The following LRMDA variants were observed in gnomAD, a reference collection of about 807,000 sequenced individuals.
LRMDA encodes leucine-rich melanocyte differentiation-associated protein.
Under a neutral mutation model 29.8 loss-of-function variants are expected in LRMDA, and 18 were observed. The ratio of observed to expected loss-of-function variants is 0.60; its 90% CI spans 0.42 to 0.90. The LOEUF (loss-of-function observed/expected upper bound fraction) is 0.90. LRMDA is among the 40% of genes least tolerant of loss of function. The pLI, the probability that LRMDA is intolerant of heterozygous loss-of-function variation, is 0.00. For synonymous variants in LRMDA, 125 were observed against 109.4 expected (o/e 1.14, Z -0.89); for missense variants, 273 against 273.9 (o/e 1.00, Z 0.02).
chr10:75,893,457 A>G (rs554727883), intron 2 of LRMDA, among the ~76,000 whole-genome samples: 5 of 152,342 alleles, frequency 3.3e-5, no homozygotes, highest in South Asian at 4.1e-4. Flanking sequence ...GAAGCAGAGT[A>G]TATTTGCATG....
At chr10:75,703,993 C>T (rs1161817408) in intron 2 of LRMDA, among the ~76,000 whole-genome samples, 1 of 152,148 alleles carries the variant, frequency 6.6e-6, no homozygotes, top group Non-Finnish European at 1.5e-5. Context: ...ATAAAATGTG[C>T]CGACGCTTGC....
chr10:75,853,079 A>G (rs1844759844), intron 2 of LRMDA, among the ~76,000 whole-genome samples: 2 of 152,012 alleles, frequency 1.3e-5, no homozygotes, highest in Admixed American at 1.3e-4. Flanking sequence ...CATGAGGGAA[A>G]CTGCCCTCAT....
intron 5 of LRMDA, among the ~76,000 whole-genome samples, chr10:76,276,498 T>A (rs953807420): frequency 3.3e-5 from 5 of 152,086 alleles, no homozygotes; most frequent in Non-Finnish European, 5.9e-5. Flanking sequence ...AATTTCTAAG[T>A]TTTTTATAGC....
chr10:75,485,439 C>A (rs986852905), intron 2 of LRMDA, among the ~76,000 whole-genome samples: 2 of 152,102 alleles, frequency 1.3e-5, no homozygotes, highest in Non-Finnish European at 2.9e-5. Flanking sequence ...CTCTGTCACC[C>A]AGGCTAGAGT....
intron 5 of LRMDA, among the ~76,000 whole-genome samples, chr10:76,174,897 G>A (rs945669797): frequency 1.3e-5 from 2 of 151,348 alleles, no homozygotes; most frequent in African/African-American, 4.9e-5. Flanking sequence ...AGGCAGGGGG[G>A]ATTGCCTGAG....
chr10:76,273,060 T>G (rs1840087893), intron 5 of LRMDA, among the ~76,000 whole-genome samples: 1 of 152,104 alleles, frequency 6.6e-6, no homozygotes, highest in African/African-American at 2.4e-5. Context: ...TCTTGTAGGC[T>G]TGCATATGTA....
At chr10:76,411,505 T>C (rs1841961135) in intron 6 of LRMDA, among the ~76,000 whole-genome samples, 1 of 152,268 alleles carries the variant, frequency 6.6e-6, no homozygotes, top group Admixed American at 6.5e-5. Context: ...ACGACATTAT[T>C]TCCCTAAAGG....
intron 6 of LRMDA, among the ~76,000 whole-genome samples, chr10:76,460,405 G>C (rs1160751451): frequency 1.3e-5 from 2 of 152,240 alleles, no homozygotes; most frequent in Non-Finnish European, 2.9e-5. Flanking sequence ...CACTTGAGGA[G>C]GATTGGCCTT....
At chr10:75,771,625 G>A (rs1843242313) in intron 2 of LRMDA, among the ~76,000 whole-genome samples, 1 of 152,118 alleles carries the variant, frequency 6.6e-6, no homozygotes, top group South Asian at 2.1e-4. Context: ...GGCCTGGTGG[G>A]CTCTGCTTAG....
intron 6 of LRMDA, among the ~76,000 whole-genome samples, chr10:76,477,010 TC>T (rs1842681035): frequency 6.6e-6 from 1 of 152,142 alleles, no homozygotes; most frequent in African/African-American, 2.4e-5. Context: ...ATGCCCTCTC[TC>T]ACCACTCCTA....
chr10:75,826,925 G>A (rs1564578955), intron 2 of LRMDA, among the ~76,000 whole-genome samples: 1 of 152,054 alleles, frequency 6.6e-6, no homozygotes. Context: ...CATCTCTTGT[G>A]AGCGCTCTGT....
chr10:75,845,714 A>G (rs1294843549), intron 2 of LRMDA, among the ~76,000 whole-genome samples: 2 of 152,156 alleles, frequency 1.3e-5, no homozygotes, highest in African/African-American at 4.8e-5. Context: ...CCCCTGGCAC[A>G]TCTACATGTT....
intron 2 of LRMDA, among the ~76,000 whole-genome samples, chr10:75,811,512 A>G (rs1266629326): frequency 6.6e-6 from 1 of 152,218 alleles, no homozygotes; most frequent in African/African-American, 2.4e-5. Flanking sequence ...GCACGGACTC[A>G]GGATCCTTCT....
At chr10:75,778,555 A>T (rs941905202) in intron 2 of LRMDA, among the ~76,000 whole-genome samples, 2 of 152,108 alleles carry the variant, frequency 1.3e-5, no homozygotes, top group African/African-American at 4.8e-5. Context: ...ATCAATGAGG[A>T]TGGGGGAGGC....
chr10:75,470,326 G>T (rs142986579), intron 2 of LRMDA, among the ~76,000 whole-genome samples: 1 of 152,114 alleles, frequency 6.6e-6, no homozygotes, highest in Admixed American at 6.5e-5. Flanking sequence ...GCAAAATCTC[G>T]TCTCTACTAA....
At chr10:76,278,744 C>T (rs1192301874) in intron 5 of LRMDA, among the ~76,000 whole-genome samples, 1 of 152,218 alleles carries the variant, frequency 6.6e-6, no homozygotes, top group African/African-American at 2.4e-5. Flanking sequence ...TCTGGCCTCT[C>T]CCTTCCTCCT....
intron 2 of LRMDA, among the ~76,000 whole-genome samples, chr10:75,934,923 C>G (rs1037254577): frequency 3.3e-5 from 5 of 152,194 alleles, no homozygotes; most frequent in African/African-American, 1.2e-4. Context: ...GGGCTTCACT[C>G]TCATTGAGTC....
intron 2 of LRMDA, among the ~76,000 whole-genome samples, chr10:75,673,925 A>G (rs1411619233): frequency 1.3e-5 from 2 of 152,266 alleles, no homozygotes; most frequent in East Asian, 3.9e-4. Context: ...TGCCTGACAC[A>G]TAGTAGGAAT....
chr10:75,501,746 T>C (rs1278331803), intron 2 of LRMDA, among the ~76,000 whole-genome samples: 1 of 152,226 alleles, frequency 6.6e-6, no homozygotes, highest in Non-Finnish European at 1.5e-5. Context: ...AATTATTCTT[T>C]TAGTCAGGGA....
Sources: gnomAD v4.1 joint callset for allele counts (sites outside exome capture counted in the v4.1 genomes callset) on GRCh38, gnomAD v4.1.1 for gene constraint, MANE v1.5 for transcripts, NCBI Gene and HGNC (gene_info 2026-07-23, HGNC 2026-07-21) for gene names.